Variants in RBFOX3 observed in about 807,000 individuals in gnomAD.
The protein encoded by RBFOX3 is RNA binding fox-1 homolog 3.
Under a neutral mutation model 48.7 loss-of-function variants are expected in RBFOX3, and 17 were observed. The observed-to-expected ratio is 0.35, with a 90% CI of 0.24 to 0.52. The LOEUF (loss-of-function observed/expected upper bound fraction) is 0.52, where lower values mean the gene tolerates loss of function less well. RBFOX3 is among the 20% of genes least tolerant of loss of function. RBFOX3 has a pLI of 0.94. For missense variants in RBFOX3, 382 were observed against 497.5 expected, an observed-to-expected ratio of 0.77 and a Z score of 2.21; for synonymous variants, 212 against 209.5, an observed-to-expected ratio of 1.01 and a Z score of -0.10.
chr17:79,408,664 A>G (rs2063872911), intron 2 of RBFOX3, among the ~76,000 whole-genome samples: 1 of 152,244 alleles, frequency 6.6e-6, no homozygotes, highest in African/African-American at 2.4e-5. Context: ...AAATGCATTT[A>G]GCCGATGAGG....
intron 3 of RBFOX3, among the ~76,000 whole-genome samples, chr17:79,287,035 C>G (rs113861197): frequency 2.6e-5 from 4 of 152,248 alleles, no homozygotes; most frequent in African/African-American, 9.6e-5. Context: ...CACATCACAG[C>G]GGCCCTGACG....
At chr17:79,367,562 G>A (rs996205628) in intron 2 of RBFOX3, among the ~76,000 whole-genome samples, 1 of 152,120 alleles carries the variant, frequency 6.6e-6, no homozygotes, top group Non-Finnish European at 1.5e-5. Flanking sequence ...AGTAAGAAGA[G>A]TCCGCTTTCC....
the RBFOX3 span, among the ~76,000 whole-genome samples, chr17:79,649,998 C>T: frequency 1.3e-5 from 2 of 152,126 alleles, no homozygotes; most frequent in East Asian, 1.9e-4. Context: ...CATGAGAAAC[C>T]GGCCCCCTGA....
At chr17:79,637,815 A>C in the RBFOX3 span, among the ~76,000 whole-genome samples, 1 of 144,366 alleles carries the variant, frequency 6.9e-6, no homozygotes, top group African/African-American at 2.5e-5. Flanking sequence ...AGGGAAGGGA[A>C]GGGAAGGGAA....
intron 4 of RBFOX3, among the ~76,000 whole-genome samples, chr17:79,139,630 G>C (rs149132596): frequency 6.6e-6 from 1 of 152,368 alleles, no homozygotes; most frequent in East Asian, 1.9e-4. Flanking sequence ...AGACTCTCCT[G>C]TGGGTGGGCA....
intron 3 of RBFOX3, among the ~76,000 whole-genome samples, chr17:79,303,101 T>C (rs1275099814): frequency 6.6e-6 from 1 of 152,106 alleles, no homozygotes; most frequent in African/African-American, 2.4e-5. Context: ...CCCAGCTACT[T>C]GGGAGGCTGA....
intron 1 of RBFOX3, among the ~76,000 whole-genome samples, chr17:79,547,480 T>C (rs1555792259): frequency 6.6e-6 from 1 of 151,800 alleles, no homozygotes; most frequent in Non-Finnish European, 1.5e-5. Flanking sequence ...ACAAAAAAAC[T>C]GTTGCTTGTG....
chr17:79,161,896 C>T (rs1365305055), intron 4 of RBFOX3, among the ~76,000 whole-genome samples: 1 of 152,210 alleles, frequency 6.6e-6, no homozygotes, highest in Non-Finnish European at 1.5e-5. Flanking sequence ...CCTGGCCACA[C>T]CCACACTCTG....
chr17:79,089,490 G>C lies in RBFOX3; in HGVS notation c.*1393C>G, dbSNP rs1170095742. Reference sequence around the variant, plus strand: ...GGGGATCTGAGTGAGTCGGGGGGTTGAGCTGCTGCAAGAAAAGGGTCCGGA... The same window carrying C: ...GGGGATCTGAGTGAGTCGGGGGGTTCAGCTGCTGCAAGAAAAGGGTCCGGA... On this transcript the variant is annotated 3_prime_UTR_variant, in exon 15 of 15. Transcript: ENST00000693108. The C allele has an allele frequency of 6.5e-6, 1 of 152,756 alleles. No homozygotes were observed. The highest frequency in any genetic ancestry group is 1.5e-5 in the Non-Finnish European group (1 of 68,192). The allele number at this position is 152,756 out of a possible 1,614,324, so 9.5% of individuals were successfully genotyped here.
rs557960282 is a variant in RBFOX3 at position 79,127,076 on chromosome 17, G to A, written c.-33-11328C>T. On this transcript the variant is annotated intron_variant, in intron 4 of 14. Coordinates refer to ENST00000693108, the MANE Select transcript of RBFOX3 (RefSeq NM_001350451.2). ...GGCTGCTCCTCAGCACGACTCCAAC[G>A]CCACATTCACTCCCAACTTACAGGT... is the stretch of plus-strand genomic sequence containing the variant. Among the ~76,000 whole-genome samples, 33 of 152,284 alleles carry A rather than the reference G, an allele frequency of 2.2e-4. 1 individual carries two copies. In the Middle Eastern group the frequency reaches 0.017, roughly 78 times the overall value.
rs115910585 is a variant in RBFOX3 at position 79,417,052 on chromosome 17, C to T, written c.-175+65402G>A. Among the ~76,000 whole-genome samples the T allele has an allele frequency of 8.7e-3, 1,319 of 152,316 alleles. 17 individuals carry two copies. Among genetic ancestry groups the T allele is most frequent in the African/African-American group, 0.03 (1,255 of 41,566 alleles). ...AAAGGCGGCCCCACCCTGTCCCTGC[C>T]GCTCTCCCCAGCTCTGCATAAGGGG... is the stretch of plus-strand genomic sequence containing the variant. On this transcript the variant is annotated intron_variant, in intron 2 of 14. Coordinates refer to ENST00000693108, the MANE Select transcript of RBFOX3 (RefSeq NM_001350451.2).
At chr17:79,519,440 G>C (rs1407639039) in intron 1 of RBFOX3, among the ~76,000 whole-genome samples, 1 of 152,244 alleles carries the variant, frequency 6.6e-6, no homozygotes, top group East Asian at 1.9e-4. Context: ...GCCAGGACCA[G>C]GGTGGGTACG....
At chr17:79,635,534 A>G in the RBFOX3 span, among the ~76,000 whole-genome samples, 1 of 152,350 alleles carries the variant, frequency 6.6e-6, no homozygotes, top group African/African-American at 2.4e-5. Flanking sequence ...ATCATTTTAA[A>G]ATCTGAGCAT....
intron 4 of RBFOX3, among the ~76,000 whole-genome samples, chr17:79,122,019 C>T (rs2035880466): frequency 6.6e-6 from 1 of 152,102 alleles, no homozygotes; most frequent in Non-Finnish European, 1.5e-5. Flanking sequence ...CCATCAAACC[C>T]ATCTCTGAGG....
intron 2 of RBFOX3, among the ~76,000 whole-genome samples, chr17:79,467,524 T>C (rs2076472446): frequency 1.3e-5 from 2 of 152,182 alleles, no homozygotes; most frequent in Non-Finnish European, 2.9e-5. Flanking sequence ...GTCCCAGCTG[T>C]GCACCTGTGG....
chr17:79,224,395 G>C (rs2060085222), intron 4 of RBFOX3, among the ~76,000 whole-genome samples: 3 of 152,226 alleles, frequency 2.0e-5, no homozygotes, highest in Admixed American at 2.0e-4. Flanking sequence ...GCCAGCCCTT[G>C]AGCTTTCCAA....
At chr17:79,232,043 T>C (rs2061097668) in intron 4 of RBFOX3, among the ~76,000 whole-genome samples, 1 of 152,074 alleles carries the variant, frequency 6.6e-6, no homozygotes, top group South Asian at 2.1e-4. Context: ...AGCAGGGAAA[T>C]ACCAGACGCT....
At chr17:79,324,260 G>A (rs1281750665) in intron 2 of RBFOX3, among the ~76,000 whole-genome samples, 3 of 152,226 alleles carry the variant, frequency 2.0e-5, no homozygotes, top group Non-Finnish European at 2.9e-5. Flanking sequence ...ACAGCCAGGA[G>A]GAGCAGCAGC....
At chr17:79,531,998 C>G (rs1041145858) in intron 1 of RBFOX3, among the ~76,000 whole-genome samples, 1 of 152,168 alleles carries the variant, frequency 6.6e-6, no homozygotes, top group Non-Finnish European at 1.5e-5. Context: ...GGGATGTGGA[C>G]CCTTGAACCC....
Sources: gnomAD v4.1 joint callset for allele counts (sites outside exome capture counted in the v4.1 genomes callset) on GRCh38, gnomAD v4.1.1 for gene constraint, MANE v1.5 for transcripts, NCBI Gene and HGNC (gene_info 2026-07-23, HGNC 2026-07-21) for gene names.